The following KIAA0232 variants were observed in gnomAD, a reference collection of about 807,000 sequenced individuals.
KIAA0232 encodes uncharacterized protein KIAA0232.
In KIAA0232, 27 loss-of-function variants were observed where a neutral mutation model predicts 122.0. The observed-to-expected ratio is 0.22, with a 90% CI of 0.16 to 0.31. The LOEUF is 0.31. Among genes scored for constraint, KIAA0232 ranks in the 10% least tolerant of loss-of-function variants. KIAA0232 has a pLI of 1.00. For missense variants in KIAA0232, 1,551 were observed against 1,634.2 expected, an observed-to-expected ratio of 0.95 and a Z score of 0.88; for synonymous variants, 613 against 587.6, an observed-to-expected ratio of 1.04 and a Z score of -0.63.
chr4:6,871,306 C>T (rs1159094591), intron 7 of KIAA0232, among the ~76,000 whole-genome samples: 1 of 151,866 alleles, frequency 6.6e-6, no homozygotes. Flanking sequence ...TGGTGGTTCC[C>T]GCCTGTAGTC....
chr4:6,860,091 C>T (rs1265679069), intron 6 of KIAA0232, among the ~76,000 whole-genome samples: 2 of 152,168 alleles, frequency 1.3e-5, no homozygotes, highest in African/African-American at 4.8e-5. Context: ...TTGTTGTAGG[C>T]CTCACCGACA....
Position 6,837,129 on chromosome 4 carries a change from G to A in KIAA0232, c.232-4938G>A, listed in dbSNP as rs571107977. Among the ~76,000 whole-genome samples, 12 of 149,938 alleles carry A rather than the reference G, an allele frequency of 8.0e-5. No homozygotes were observed. The South Asian group carries it at 1.3e-3, about 16-fold the overall frequency. On this transcript the variant is annotated intron_variant, in intron 3 of 9. Transcript: ENST00000307659. ...CTCCCAGACGGGGCAGCGGCCGGGC[G>A]GGGGCTGCCCCCCACCTCCCGAACG...
intron 3 of KIAA0232, 142 bp from the exon 4 acceptor site, chr4:6,841,925 T>C (rs1719682430): frequency 1.0e-5 from 9 of 898,918 alleles, no homozygotes; most frequent in Non-Finnish European, 1.2e-5. Flanking sequence ...CCAGCTCCCT[T>C]CGTCGCAGAA....
intron 2 of KIAA0232, among the ~76,000 whole-genome samples, chr4:6,810,228 A>AT (rs1301640333): frequency 1.3e-5 from 2 of 152,172 alleles, no homozygotes; most frequent in Admixed American, 6.5e-5. Flanking sequence ...GTAAAAATAG[A>AT]TGTATAGACA....
At chr4:6,789,348 A>G (rs1205414495) in intron 1 of KIAA0232, among the ~76,000 whole-genome samples, 1 of 145,990 alleles carries the variant, frequency 6.8e-6, no homozygotes, top group East Asian at 2.0e-4. Context: ...ATCTTGGCTT[A>G]CTGCAACCTC....
intron 1 of KIAA0232, among the ~76,000 whole-genome samples, chr4:6,801,625 A>C (rs1044240306): frequency 6.6e-6 from 1 of 152,082 alleles, no homozygotes; most frequent in Non-Finnish European, 1.5e-5. Context: ...TCCAAGCTGC[A>C]GCGAACTATG....
chr4:6,849,542 G>C (rs1348603700), intron 4 of KIAA0232, among the ~76,000 whole-genome samples: 1 of 152,200 alleles, frequency 6.6e-6, no homozygotes, highest in Non-Finnish European at 1.5e-5. Context: ...CTTGAACCCA[G>C]GAGGCAGAGG....
At chr4:6,824,768 A>G (rs1049584933) in intron 3 of KIAA0232, 84 bp downstream of exon 3, 12 of 1,125,378 alleles carry the variant, frequency 1.1e-5, no homozygotes, top group Non-Finnish European at 1.3e-5. Flanking sequence ...TTTATACTTT[A>G]AAACTGAGCT....
chr4:6,783,566 C>T (rs1352939484), intron 1 of KIAA0232, among the ~76,000 whole-genome samples: 3 of 152,110 alleles, frequency 2.0e-5, no homozygotes, highest in African/African-American at 7.2e-5. Flanking sequence ...GTTCCCCTCC[C>T]CTCCAGCATT....
At chr4:6,815,693 C>G (rs954032120) in intron 2 of KIAA0232, among the ~76,000 whole-genome samples, 2 of 152,126 alleles carry the variant, frequency 1.3e-5, no homozygotes, top group Admixed American at 1.3e-4. Flanking sequence ...CTTTTTCTTT[C>G]TTTTCCTTGG....
At chr4:6,789,894 T>C (rs1716811821) in intron 1 of KIAA0232, among the ~76,000 whole-genome samples, 2 of 151,814 alleles carry the variant, frequency 1.3e-5, no homozygotes, top group South Asian at 4.2e-4. Flanking sequence ...CCAGGTGTGG[T>C]GGCACATGTC....
intron 7 of KIAA0232, among the ~76,000 whole-genome samples, chr4:6,870,061 C>T (rs1182279802): frequency 2.6e-5 from 4 of 152,206 alleles, no homozygotes; most frequent in African/African-American, 9.7e-5. Context: ...GAGGAAGGCA[C>T]ACTGAAGGGG....
chr4:6,795,356 G>A (rs924611415), intron 1 of KIAA0232, among the ~76,000 whole-genome samples: 3 of 152,186 alleles, frequency 2.0e-5, no homozygotes, highest in Admixed American at 1.3e-4. Flanking sequence ...ACAGGCGTGA[G>A]CCACCGCGCC....
chr4:6,880,890 A>G lies in KIAA0232; in HGVS notation c.4112A>G (p.Glu1371Gly), dbSNP rs1436563850. 1 of 1,608,038 alleles carries G rather than the reference A, an allele frequency of 6.2e-7. No individual in the cohort carries two copies. The highest frequency in any genetic ancestry group is 1.3e-5 in the African/African-American group (1 of 74,858). Residue 1371 changes from glutamate to glycine, a missense_variant, in exon 10 of 10, where the codon GAA (glutamate) becomes GGA (glycine). Physicochemically the swap from Glu to Gly is moderately conservative, Grantham distance 98 (BLOSUM62 -2). Transcript: ENST00000307659. ...KMCSSASSTS[E>G]ETGSEGGGEW... is the part of the protein sequence containing the mutation. Reference sequence around the variant, plus strand: ...TGCTCCAGCGCCAGCTCCACCTCGGAAGAGACAGGCTCAGAAGGCGGAGGC... The same window carrying G: ...TGCTCCAGCGCCAGCTCCACCTCGGGAGAGACAGGCTCAGAAGGCGGAGGC...
chr4:6,798,773 A>C (rs1042896916), intron 1 of KIAA0232, among the ~76,000 whole-genome samples: 1 of 152,162 alleles, frequency 6.6e-6, no homozygotes, highest in African/African-American at 2.4e-5. Context: ...GCTGGTCTCA[A>C]ACCCCTGGGC....
rs1470649359 is a variant in KIAA0232, at chr4:6,862,730, A to G, written c.2348A>G (p.Lys783Arg). The G allele has an allele frequency of 6.2e-7, 1 of 1,610,310 alleles. No individual in the cohort carries two copies. Among genetic ancestry groups the G allele is most frequent in the Non-Finnish European group, 8.5e-7 (1 of 1,179,130 alleles). The part of the protein sequence containing the change: ...TLGEIPTLVF[K>R]KTSKLESVCG... ...GGTGAGATTCCTACATTAGTTTTCA[A>G]AAAAACATCTAAACTAGAATCCGTC... The change falls in exon 7 of 10, where the codon AAA becomes AGA. Residue 783 changes from lysine (K) to arginine (R), a missense_variant. Physicochemically the swap from Lys to Arg is conservative, Grantham distance 26. Around this residue, in one of 5 missense-constraint regions of KIAA0232, gnomAD observed 1,108 missense variants for 1,154.8 expected, o/e 0.96. Coordinates refer to ENST00000307659, the MANE Select transcript of KIAA0232 (RefSeq NM_014743.3).
intron 1 of KIAA0232, among the ~76,000 whole-genome samples, chr4:6,800,289 C>A (rs1717331234): frequency 6.7e-6 from 1 of 148,568 alleles, no homozygotes; most frequent in African/African-American, 2.5e-5. Flanking sequence ...AACTCCTGAC[C>A]TCAGGTGATC....
At chr4:6,859,746 G>A (rs1332880434) in intron 6 of KIAA0232, among the ~76,000 whole-genome samples, 2 of 152,182 alleles carry the variant, frequency 1.3e-5, no homozygotes, top group African/African-American at 4.8e-5. Context: ...CTTCATGTGT[G>A]ACCTTGAGCA....
intron 1 of KIAA0232, among the ~76,000 whole-genome samples, chr4:6,792,147 T>G (rs956846122): frequency 1.3e-5 from 2 of 152,228 alleles, no homozygotes; most frequent in African/African-American, 4.8e-5. Flanking sequence ...GGGTATGTCT[T>G]TATCAGCATT....
Sources: gnomAD v4.1 joint callset for allele counts (sites outside exome capture counted in the v4.1 genomes callset) on GRCh38, gnomAD v4.1.1 for gene constraint, gnomAD v4.1.1 regional missense constraint, MANE v1.5 for transcripts, NCBI Gene and HGNC (gene_info 2026-07-23, HGNC 2026-07-21) for gene names.